Variants in COG4 observed in about 807,000 individuals in gnomAD.
COG4 encodes conserved oligomeric Golgi complex subunit 4.
A neutral mutation model predicts 95.1 loss-of-function variants in COG4; 65 were observed. The ratio of observed to expected loss-of-function variants is 0.68; its 90% CI spans 0.56 to 0.84. COG4 has a LOEUF of 0.84. COG4 is among the 40% of genes least tolerant of loss of function. The pLI, the probability that COG4 is intolerant of heterozygous loss-of-function variation, is 0.00. For synonymous variants in COG4, 421 were observed against 374.8 expected (o/e 1.12, Z -1.42); for missense variants, 1,045 against 989.1 (o/e 1.06, Z -0.76).
At position 70,480,888 on chromosome 16, in the gene COG4, C is replaced by T. The variant is rs867991390; in HGVS notation, c.*122G>A. On this transcript the variant is annotated 3_prime_UTR_variant, in exon 19 of 19. Transcript: ENST00000323786. ...CAGACTTTGTTTCTCTGCTGCCAGC[C>T]GTAGAAAGGTCTGGGCTGTCAGATC... The T allele has an allele frequency of 4.4e-5, 52 of 1,177,794 alleles. 1 individual carries two copies. Among genetic ancestry groups the T allele is most frequent in the East Asian group, 1.4e-4 (6 of 42,468 alleles). 73.0% of individuals were successfully genotyped at this position (1,177,794 alleles called of 1,614,324 possible). A position where few individuals can be genotyped will look rare whatever the true frequency, so the allele number is the denominator to read the frequency against.
intron 12 of COG4, among the ~76,000 whole-genome samples, chr16:70,495,072 C>T (rs1368571066): frequency 2.0e-5 from 3 of 152,060 alleles, no homozygotes; most frequent in Non-Finnish European, 4.4e-5. Context: ...CAGCTCTGAA[C>T]TCTTTTGGGG....
At chr16:70,515,739 G>T (rs1429296086) in intron 3 of COG4, 6 of 250,876 alleles carry the variant, frequency 2.4e-5, no homozygotes, top group Admixed American at 5.2e-5. Context: ...TTGTTCTAGA[G>T]ACATAGTAAG....
chr16:70,489,393 AT>A (rs1198392525), intron 13 of COG4, among the ~76,000 whole-genome samples: 1 of 150,852 alleles, frequency 6.6e-6, no homozygotes, highest in Non-Finnish European at 1.5e-5. Context: ...CATTTTTTGT[AT>A]TTTTAGTAGA....
Position 70,481,042 on chromosome 16 carries a change from G to A in COG4, c.2338C>T (p.Arg780Cys), listed in dbSNP as rs764982187. ...CGCAGCCTCTTGATATCTTCACTGC[G>A]GAAGTCTATCCGCAGGGCCAGCACC... ...RQVLALRIDF[R>C]SEDIKRLRL The change falls in exon 19 of 19, where the codon CGC (arginine) becomes TGC (cysteine). Residue 780 changes from arginine to cysteine, a missense_variant. Physicochemically the swap from Arg to Cys is radical, Grantham distance 180. Transcript: ENST00000323786. 12 of 1,613,180 alleles carry A rather than the reference G, an allele frequency of 7.4e-6. No individual in the cohort carries two copies. The highest frequency in any genetic ancestry group is 2.2e-5 in the East Asian group (1 of 44,878).
Position 70,496,257 on chromosome 16 carries a change from GGTA to G in COG4, c.1647+6_1647+8del, listed in dbSNP as rs1567728918. 1 of 1,614,086 alleles carries G rather than the reference GGTA, an allele frequency of 6.2e-7. No individual in the cohort carries two copies. Among genetic ancestry groups the G allele is most frequent in the East Asian group, 2.2e-5 (1 of 44,882 alleles). On this transcript the variant is annotated splice_donor_region_variant and intron_variant, in intron 12 of 18. Coordinates refer to ENST00000323786, the MANE Select transcript of COG4 (RefSeq NM_015386.3). ...AACCAACCCAGCTCGTGAGCTGTGG[GGTA>G]CCTACCAGGAAGGACATCTTCGCCT...
At chr16:70,498,369 C>A (rs1339795767) in intron 9 of COG4, among the ~76,000 whole-genome samples, 1 of 151,386 alleles carries the variant, frequency 6.6e-6, no homozygotes, top group Non-Finnish European at 1.5e-5. Flanking sequence ...ACTCTTGTTG[C>A]CCAGGCTGGA....
chr16:70,506,610 A>AAAAAG (rs2049576421), intron 8 of COG4, among the ~76,000 whole-genome samples: 1 of 58,944 alleles, frequency 1.7e-5, no homozygotes, highest in Non-Finnish European at 3.2e-5. Flanking sequence ...AAAAAAAAAA[A>AAAAAG]AAAAAAACAA....
Position 70,490,311 on chromosome 16 carries a change from T to C in COG4, c.1710+19A>G, listed in dbSNP as rs376967615. The C allele has an allele frequency of 1.0e-5, 16 of 1,604,320 alleles. No homozygotes were observed. The highest frequency in any genetic ancestry group is 4.4e-5 in the South Asian group (4 of 90,880). On this transcript the variant is annotated intron_variant, in intron 13 of 18. Coordinates refer to ENST00000323786, the MANE Select transcript of COG4 (RefSeq NM_015386.3). ...GGAAAAGATGGCTGCTGACCACTGA[T>C]AGGCAATTTCCCTCGTACCTCCAGT...
Position 70,498,333 on chromosome 16 carries a change from AT to A in COG4, c.1196-279del, listed in dbSNP as rs946488510. On this transcript the variant is annotated intron_variant, in intron 9 of 18. Transcript: ENST00000323786. ...AAAACTACTTTTTTTATTTTTAACTATTTTTTTTTTTTGAGACGGAGTTTCA... is the reference window on the plus strand; with the variant it reads ...AAAACTACTTTTTTTATTTTTAACTATTTTTTTTTTTGAGACGGAGTTTCA... 1.4e-3 allele frequency among the ~76,000 whole-genome samples: 210 copies of A among 145,214 alleles called. 1 individual carries two copies. Among genetic ancestry groups the A allele is most frequent in the East Asian group, 0.014 (72 of 5,036 alleles).
rs542798667 is a variant in COG4 at position 70,522,730 on chromosome 16, G to A, written c.171+643C>T. ...ATCGAGTTGCCACTGAAAATTAAAGGAGGCAGGAAATAGAACGTTATGAAC... is the reference window on the plus strand; with the variant it reads ...ATCGAGTTGCCACTGAAAATTAAAGAAGGCAGGAAATAGAACGTTATGAAC... On this transcript the variant is annotated intron_variant, in intron 1 of 18. Coordinates refer to ENST00000323786, the MANE Select transcript of COG4 (RefSeq NM_015386.3). Among the ~76,000 whole-genome samples, 16 of 152,294 alleles carry A rather than the reference G, an allele frequency of 1.1e-4. 1 individual carries two copies. In the South Asian group the frequency reaches 3.1e-3, roughly 30 times the overall value.
intron 3 of COG4, among the ~76,000 whole-genome samples, chr16:70,516,568 C>T (rs377352831): frequency 2.6e-5 from 4 of 151,964 alleles, no homozygotes; most frequent in African/African-American, 4.8e-5. Context: ...AGTGCTGGGA[C>T]TACAGGCGTG....
intron 7 of COG4, 73 bp downstream of exon 7, chr16:70,509,158 C>A (rs555558404): frequency 1.9e-6 from 3 of 1,585,136 alleles, no homozygotes; most frequent in African/African-American, 1.3e-5. Context: ...TTTTTCAAAC[C>A]CTACAATTTA....
intron 13 of COG4, among the ~76,000 whole-genome samples, chr16:70,485,243 G>A (rs914331497): frequency 4.8e-5 from 7 of 144,650 alleles, no homozygotes; most frequent in Non-Finnish European, 7.4e-5. Context: ...TCACTCTGTC[G>A]CCCTGGCTGG....
chr16:70,484,842 A>T (rs924312190), intron 13 of COG4, among the ~76,000 whole-genome samples: 2 of 152,166 alleles, frequency 1.3e-5, no homozygotes, highest in Non-Finnish European at 2.9e-5. Flanking sequence ...AAGGTTGCAG[A>T]GAGCTATGAC....
intron 13 of COG4, among the ~76,000 whole-genome samples, chr16:70,486,485 T>TCTCAAAGGGCTGCTGATGGGG (rs2049138609): frequency 6.6e-6 from 1 of 152,186 alleles, no homozygotes; most frequent in African/African-American, 2.4e-5. Context: ...GATCTGCCTA[T>TCTCAAAGGGCTGCTGATGGGG]CTCAAAGGGC....
At chr16:70,514,619 A>G (rs912539265) in intron 3 of COG4, 110 bp from the exon 4 acceptor site, 9 of 875,472 alleles carry the variant, frequency 1.0e-5, no homozygotes, top group Admixed American at 2.0e-5. Flanking sequence ...GTCAATAGCA[A>G]TCTCACAAAC....
intron 11 of COG4, 86 bp downstream of exon 11, chr16:70,497,135 G>A (rs1480117316): frequency 2.0e-5 from 26 of 1,290,982 alleles, no homozygotes; most frequent in Non-Finnish European, 1.1e-6. Flanking sequence ...CTAGAATCAT[G>A]AGGACAAAGG....
chr16:70,482,213 A>C (rs924977251), intron 15 of COG4, 38 bp from the exon 16 acceptor site: 2 of 1,284,892 alleles, frequency 1.6e-6, no homozygotes, highest in Non-Finnish European at 2.3e-6. Context: ...CATGGGCCTC[A>C]TAAGAAGTAC....
At chr16:70,505,777 C>T (rs1028302462) in intron 8 of COG4, among the ~76,000 whole-genome samples, 3 of 151,622 alleles carry the variant, frequency 2.0e-5, no homozygotes, top group Non-Finnish European at 4.4e-5. Flanking sequence ...TGCAGTGAGC[C>T]GAGATAGCGC....
Sources: gnomAD v4.1 joint callset for allele counts (sites outside exome capture counted in the v4.1 genomes callset) on GRCh38, gnomAD v4.1.1 for gene constraint, MANE v1.5 for transcripts, NCBI Gene and HGNC (gene_info 2026-07-23, HGNC 2026-07-21) for gene names.